Variants in EML4 observed in about 807,000 individuals in gnomAD.
The protein encoded by EML4 is EMAP like 4.
EML4 carries 72 observed loss-of-function variants against 129.0 expected under a neutral mutation model. That is an observed-to-expected ratio of 0.56 (90% CI 0.46 to 0.68). EML4 has a LOEUF of 0.68. Ranked by LOEUF, EML4 falls within the 30% of genes least tolerant of loss-of-function variation. The pLI is 0.00. For missense variants in EML4, 1,363 were observed against 1,190.6 expected, an observed-to-expected ratio of 1.14 and a Z score of -2.13; for synonymous variants, 532 against 405.0, an observed-to-expected ratio of 1.31 and a Z score of -3.77.
chr2:42,312,179 C>G (rs902599380), intron 17 of EML4, among the ~76,000 whole-genome samples: 1 of 152,128 alleles, frequency 6.6e-6, no homozygotes, highest in African/African-American at 2.4e-5. Context: ...AGCTTCAGCT[C>G]ACAGCTCACA....
At chr2:42,239,096 G>A (rs901203733) in intron 1 of EML4, among the ~76,000 whole-genome samples, 5 of 152,172 alleles carry the variant, frequency 3.3e-5, no homozygotes, top group African/African-American at 1.2e-4. Context: ...ATAGCCTCTA[G>A]GGCATCATTT....
chr2:42,216,739 T>A (rs960698631), intron 1 of EML4, among the ~76,000 whole-genome samples: 5 of 152,258 alleles, frequency 3.3e-5, no homozygotes, highest in South Asian at 2.1e-4. Flanking sequence ...TTTCACTGAA[T>A]GGCTGGACTG....
rs945932479 is a variant in EML4, at chr2:42,325,474, C to A, written c.2162C>A (p.Ser721Tyr). 6.5e-7 allele frequency: 1 copy of A among 1,537,724 alleles called. No homozygotes were observed. ...YSRYGRCTGH[S>Y]SYITHLDWSP... ...TTATCTGTTATTTTCTAGGGACATT[C>A]CAGCTACATCACACACCTTGACTGG... The change falls in exon 20 of 23, where the codon TCC (serine) becomes TAC (tyrosine). Residue 721 changes from serine (S) to tyrosine (Y), a missense_variant. Ser to Tyr is a moderately radical substitution (Grantham distance 144, BLOSUM62 -2). Transcript: ENST00000318522.
chr2:42,327,753 AAAG>A (rs1259661449), intron 21 of EML4, among the ~76,000 whole-genome samples: 1 of 152,348 alleles, frequency 6.6e-6, no homozygotes, highest in African/African-American at 2.4e-5. Flanking sequence ...AAAGAATTAA[AAAG>A]AAGTGTTATG....
At position 42,196,553 on chromosome 2, in the gene EML4, C is replaced by T. The variant is rs556529681; in HGVS notation, c.25+26917C>T. ...GACTGTGAGACTATGATAAGAGTTCCGTCTGCCATGTCTGCTCTGACTACA... is the reference window on the plus strand; with the variant it reads ...GACTGTGAGACTATGATAAGAGTTCTGTCTGCCATGTCTGCTCTGACTACA... On this transcript the variant is annotated intron_variant, in intron 1 of 22. Coordinates refer to ENST00000318522, the MANE Select transcript of EML4 (RefSeq NM_019063.5). Among the ~76,000 whole-genome samples, 58 of 152,296 alleles carry T rather than the reference C, an allele frequency of 3.8e-4. No homozygotes were observed. In the South Asian group the frequency reaches 7.5e-3, roughly 20 times the overall value.
At chr2:42,307,191 A>C (rs1043409066) in intron 17 of EML4, among the ~76,000 whole-genome samples, 2 of 152,246 alleles carry the variant, frequency 1.3e-5, no homozygotes, top group African/African-American at 4.8e-5. Context: ...ATTTGTAGGG[A>C]AAATTGTTCT....
At chr2:42,259,577 C>T (rs960094788) in intron 3 of EML4, among the ~76,000 whole-genome samples, 5 of 152,022 alleles carry the variant, frequency 3.3e-5, no homozygotes, top group African/African-American at 1.2e-4. Context: ...TCCTTGTTGA[C>T]TGTCTTTCAT....
chr2:42,264,899 G>A (rs1352836178), intron 6 of EML4, 168 bp downstream of exon 6: 3 of 1,549,988 alleles, frequency 1.9e-6, no homozygotes, highest in Non-Finnish European at 2.6e-6. Flanking sequence ...GTAAGGTAAT[G>A]TCATTTTTGT....
At chr2:42,254,368 G>A (rs1572633554) in intron 2 of EML4, among the ~76,000 whole-genome samples, 1 of 151,586 alleles carries the variant, frequency 6.6e-6, no homozygotes, top group Non-Finnish European at 1.5e-5. Flanking sequence ...GAGGTAGACA[G>A]ATGGATTGAG....
chr2:42,210,205 G>A (rs943143056), intron 1 of EML4, among the ~76,000 whole-genome samples: 3 of 152,018 alleles, frequency 2.0e-5, no homozygotes, highest in Non-Finnish European at 2.9e-5. Flanking sequence ...TCATATCTCC[G>A]TAGGCTCTTG....
chr2:42,207,338 G>C (rs373749537), intron 1 of EML4, among the ~76,000 whole-genome samples: 1 of 151,964 alleles, frequency 6.6e-6, no homozygotes, highest in African/African-American at 2.4e-5. Context: ...TTTCACATAA[G>C]TAATTTAAAG....
intron 4 of EML4, 44 bp downstream of exon 4, chr2:42,261,338 G>C (rs1665721223): frequency 1.3e-6 from 2 of 1,494,062 alleles, no homozygotes; most frequent in South Asian, 1.4e-5. Flanking sequence ...TGGTTGTAAT[G>C]ATACCTAAAT....
At chr2:42,197,030 C>CT (rs2103937327) in intron 1 of EML4, among the ~76,000 whole-genome samples, 1 of 152,118 alleles carries the variant, frequency 6.6e-6, no homozygotes, top group East Asian at 1.9e-4. Flanking sequence ...AAAAGCCATG[C>CT]TAGGAATCAA....
chr2:42,272,678 T>A (rs1572667117), intron 6 of EML4, among the ~76,000 whole-genome samples: 1 of 152,232 alleles, frequency 6.6e-6, no homozygotes, highest in South Asian at 2.1e-4. Context: ...TTTTCTAGTT[T>A]AGATTTTTTT....
chr2:42,240,438 GTA>G (rs1374037042), intron 1 of EML4, among the ~76,000 whole-genome samples: 1 of 152,134 alleles, frequency 6.6e-6, no homozygotes, highest in East Asian at 1.9e-4. Flanking sequence ...ATGTGTGTGT[GTA>G]TATGTGTGTT....
At chr2:42,187,927 C>G (rs866371161) in intron 1 of EML4, among the ~76,000 whole-genome samples, 11 of 152,032 alleles carry the variant, frequency 7.2e-5, no homozygotes, top group African/African-American at 2.4e-5. Context: ...TTTTGCCTAA[C>G]CCAGGGTCAC....
intron 1 of EML4, among the ~76,000 whole-genome samples, chr2:42,182,558 C>A (rs1025817638): frequency 6.6e-5 from 10 of 152,222 alleles, no homozygotes; most frequent in African/African-American, 2.2e-4. Context: ...AGCTTTAGGA[C>A]TGAACTATGG....
At chr2:42,183,854 T>A (rs1340777376) in intron 1 of EML4, among the ~76,000 whole-genome samples, 1 of 152,168 alleles carries the variant, frequency 6.6e-6, no homozygotes, top group Admixed American at 6.5e-5. Context: ...CTACATCCAG[T>A]CACTAGAGAA....
chr2:42,219,060 A>G (rs770818017), intron 1 of EML4, among the ~76,000 whole-genome samples: 2 of 152,244 alleles, frequency 1.3e-5, no homozygotes, highest in Non-Finnish European at 2.9e-5. Context: ...TTGTTTCATC[A>G]GTGACATCAT....
Sources: allele counts gnomAD v4.1 joint callset (sites outside exome capture counted in the v4.1 genomes callset), GRCh38; gene constraint gnomAD v4.1.1; transcripts MANE v1.5; gene names NCBI Gene and HGNC (gene_info 2026-07-23, HGNC 2026-07-21).